Variants in CDYL observed in about 807,000 individuals in gnomAD.
CDYL encodes chromodomain Y-like protein.
CDYL carries 8 observed loss-of-function variants against 47.3 expected under a neutral mutation model. The ratio of observed to expected loss-of-function variants is 0.17; its 90% CI spans 0.10 to 0.31. The LOEUF is 0.31. Among genes scored for constraint, CDYL ranks in the 10% least tolerant of loss-of-function variants. CDYL has a pLI of 1.00. For missense variants in CDYL, 471 were observed against 701.4 expected, an observed-to-expected ratio of 0.67 and a Z score of 3.71; for synonymous variants, 266 against 265.0, an observed-to-expected ratio of 1.00 and a Z score of -0.04.
intron 4 of CDYL, among the ~76,000 whole-genome samples, chr6:4,942,281 C>A (rs922055023): frequency 1.3e-5 from 2 of 152,150 alleles, no homozygotes; most frequent in African/African-American, 4.8e-5. Flanking sequence ...CTCTCCTGTT[C>A]ATACACACAC....
chr6:4,735,566 C>G (rs1024050807), intron 3 of CDYL, among the ~76,000 whole-genome samples: 1 of 152,020 alleles, frequency 6.6e-6, no homozygotes, highest in Non-Finnish European at 1.5e-5. Flanking sequence ...GAGTTCGAGA[C>G]CAGCCTGGCC....
chr6:4,757,839 C>A (rs951299005), intron 3 of CDYL, among the ~76,000 whole-genome samples: 11 of 151,900 alleles, frequency 7.2e-5, no homozygotes, highest in African/African-American at 2.7e-4. Flanking sequence ...GAGTTGTAGA[C>A]CAGCCTGGGC....
intron 1 of CDYL, among the ~76,000 whole-genome samples, chr6:4,844,239 T>C (rs1431410199): frequency 6.6e-6 from 1 of 152,150 alleles, no homozygotes; most frequent in Non-Finnish European, 1.5e-5. Flanking sequence ...TGTGGTTTGG[T>C]TTTGTTCATT....
chr6:4,736,000 C>G (rs1757696839), intron 3 of CDYL, among the ~76,000 whole-genome samples: 1 of 152,146 alleles, frequency 6.6e-6, no homozygotes, highest in Non-Finnish European at 1.5e-5. Flanking sequence ...ACAGCATGCT[C>G]TCCAGTAGCT....
chr6:4,850,868 C>G (rs1378253723), intron 1 of CDYL, among the ~76,000 whole-genome samples: 1 of 152,086 alleles, frequency 6.6e-6, no homozygotes, highest in South Asian at 2.1e-4. Flanking sequence ...GTATAATTTG[C>G]ATTAGCCAGT....
intron 2 of CDYL, among the ~76,000 whole-genome samples, chr6:4,925,123 T>C (rs1033072036): frequency 2.0e-5 from 3 of 152,162 alleles, no homozygotes; most frequent in Non-Finnish European, 4.4e-5. Flanking sequence ...TGTGTGTGTT[T>C]TGTGTATTCC....
At chr6:4,851,393 C>T (rs60469143) in intron 1 of CDYL, among the ~76,000 whole-genome samples, 5,461 of 152,164 alleles carry the variant, frequency 0.036, 330 homozygotes, top group African/African-American at 0.12. Flanking sequence ...AGTGCTTCAC[C>T]ATGTTGGAGA....
chr6:4,919,996 G>A (rs1113341), intron 2 of CDYL, among the ~76,000 whole-genome samples: 114,932 of 152,094 alleles, frequency 0.76, 45,044 homozygotes, highest in South Asian at 0.85. Context: ...TGGCCTATCC[G>A]CAGAATGGAA....
At chr6:4,796,275 G>A (rs1223120286) in intron 1 of CDYL, among the ~76,000 whole-genome samples, 2 of 151,966 alleles carry the variant, frequency 1.3e-5, no homozygotes, top group Non-Finnish European at 2.9e-5. Context: ...GGTCTAAAAG[G>A]CCAAAAAGTA....
At chr6:4,849,706 C>G (rs564119266) in intron 1 of CDYL, among the ~76,000 whole-genome samples, 2 of 151,556 alleles carry the variant, frequency 1.3e-5, no homozygotes, top group South Asian at 4.2e-4. Flanking sequence ...AAGTCTCTTC[C>G]TTCCAAATTT....
intron 1 of CDYL, among the ~76,000 whole-genome samples, chr6:4,708,558 C>T (rs4959317): frequency 1 from 152,303 of 152,372 alleles, 76,118 homozygotes; most frequent in Non-Finnish European, 1. Flanking sequence ...TCTGATATAG[C>T]TCAAGATTGT....
At chr6:4,950,786 G>A (rs1029513697) in intron 5 of CDYL, among the ~76,000 whole-genome samples, 6 of 152,086 alleles carry the variant, frequency 3.9e-5, no homozygotes, top group African/African-American at 1.4e-4. Context: ...AAAAAAATTA[G>A]CCGGGCGTGG....
intron 2 of CDYL, among the ~76,000 whole-genome samples, chr6:4,904,088 C>A (rs578080125): frequency 6.6e-6 from 1 of 152,200 alleles, no homozygotes; most frequent in South Asian, 2.1e-4. Flanking sequence ...AGAGCCATGC[C>A]ACGCTGTCTG....
chr6:4,875,050 A>G (rs999314687), intron 1 of CDYL, among the ~76,000 whole-genome samples: 2 of 152,088 alleles, frequency 1.3e-5, no homozygotes, highest in Admixed American at 6.6e-5. Context: ...TCTTTTGGCA[A>G]AAATACCTAG....
intron 2 of CDYL, among the ~76,000 whole-genome samples, chr6:4,718,878 G>A (rs1042469727): frequency 6.6e-6 from 1 of 150,640 alleles, no homozygotes; most frequent in African/African-American, 2.4e-5. Context: ...AGGCATTCAG[G>A]TTATATTGAT....
intron 3 of CDYL, among the ~76,000 whole-genome samples, chr6:4,749,281 T>TTGGATGGATGGATGGA (rs1375618138): frequency 2.7e-5 from 4 of 147,396 alleles, no homozygotes; most frequent in African/African-American, 1.0e-4. Context: ...TAGGGTTTTG[T>TTGGATGGATGGATGGA]TGGATGGATG....
chr6:4,844,823 A>C (rs1760606696), intron 1 of CDYL, among the ~76,000 whole-genome samples: 1 of 152,142 alleles, frequency 6.6e-6, no homozygotes, highest in Admixed American at 6.6e-5. Flanking sequence ...TTTTAATGAG[A>C]TGTGAAGTAT....
chr6:4,892,670 A>G (rs574796108), intron 2 of CDYL, among the ~76,000 whole-genome samples: 3 of 152,192 alleles, frequency 2.0e-5, no homozygotes, highest in Non-Finnish European at 1.5e-5. Flanking sequence ...TTTTTACAGC[A>G]AGTTTCTGAA....
chr6:4,851,888 G>A (rs572420661), intron 1 of CDYL, among the ~76,000 whole-genome samples: 17 of 152,238 alleles, frequency 1.1e-4, no homozygotes, highest in African/African-American at 3.4e-4. Flanking sequence ...CAAATAAGTG[G>A]GGGTGATAAT....
Sources: gnomAD v4.1 joint callset for allele counts (sites outside exome capture counted in the v4.1 genomes callset) on GRCh38, gnomAD v4.1.1 for gene constraint, MANE v1.5 for transcripts, NCBI Gene and HGNC (gene_info 2026-07-23, HGNC 2026-07-21) for gene names.